Variants in DGKB observed in about 807,000 individuals in gnomAD.
The protein encoded by DGKB is diacylglycerol kinase beta.
Under a neutral mutation model 114.3 loss-of-function variants are expected in DGKB, and 67 were observed. That is an observed-to-expected ratio of 0.59 (90% CI 0.48 to 0.72). The LOEUF is 0.72. Among genes scored for constraint, DGKB ranks in the 30% least tolerant of loss-of-function variants. The probability of loss-of-function intolerance (pLI) is 0.00; values close to 1 mark genes in which losing one functional copy is unlikely to be tolerated. For missense variants in DGKB, 907 were observed against 975.2 expected, an observed-to-expected ratio of 0.93 and a Z score of 0.93; for synonymous variants, 398 against 323.1, an observed-to-expected ratio of 1.23 and a Z score of -2.49.
chr7:14,197,751 A>G (rs924733907), intron 23 of DGKB, among the ~76,000 whole-genome samples: 1 of 152,136 alleles, frequency 6.6e-6, no homozygotes. Flanking sequence ...TATTATTAGA[A>G]AGGTCTGTTT....
chr7:14,970,605 C>G (rs994473945), intron 1 of DGKB, among the ~76,000 whole-genome samples: 10 of 152,210 alleles, frequency 6.6e-5, no homozygotes, highest in African/African-American at 2.2e-4. Context: ...AGCATATCCT[C>G]AGAATGCTCC....
At chr7:14,200,337 T>C (rs1785657135) in intron 23 of DGKB, among the ~76,000 whole-genome samples, 1 of 151,986 alleles carries the variant, frequency 6.6e-6, no homozygotes, top group Non-Finnish European at 1.5e-5. Flanking sequence ...ATGATACCTA[T>C]CACTGTGCAC....
At chr7:14,312,787 G>A (rs1805629802) in intron 23 of DGKB, among the ~76,000 whole-genome samples, 1 of 152,156 alleles carries the variant, frequency 6.6e-6, no homozygotes, top group South Asian at 2.1e-4. Flanking sequence ...CAGTTTGATG[G>A]AAAACAACTG....
intron 17 of DGKB, among the ~76,000 whole-genome samples, chr7:14,586,397 GT>G (rs1563596410): frequency 3.3e-5 from 5 of 152,060 alleles, no homozygotes; most frequent in Non-Finnish European, 7.4e-5. Flanking sequence ...CTGAAAAATA[GT>G]TTGATGCAAG....
intron 21 of DGKB, among the ~76,000 whole-genome samples, chr7:14,477,045 C>T (rs76264520): frequency 0.024 from 3,639 of 151,990 alleles, 130 homozygotes; most frequent in African/African-American, 0.084. Flanking sequence ...CCACCGTGCC[C>T]GGCCTACTAA....
intron 2 of DGKB, among the ~76,000 whole-genome samples, chr7:14,775,611 A>G (rs186472177): frequency 6.6e-6 from 1 of 152,050 alleles, no homozygotes; most frequent in Non-Finnish European, 1.5e-5. Flanking sequence ...AGTTCTCATG[A>G]GACCTGGTGG....
At chr7:14,912,222 A>G (rs542711776) in intron 1 of DGKB, among the ~76,000 whole-genome samples, 1 of 152,314 alleles carries the variant, frequency 6.6e-6, no homozygotes, top group African/African-American at 2.4e-5. Flanking sequence ...CACAAGAAAC[A>G]TCCTCATATG....
chr7:14,842,110 C>A (rs1052943488), intron 1 of DGKB, among the ~76,000 whole-genome samples: 3 of 152,174 alleles, frequency 2.0e-5, no homozygotes, highest in Non-Finnish European at 2.9e-5. Context: ...ACATTTTTAT[C>A]AGAGACTATA....
chr7:14,521,906 AT>A (rs778278816), intron 20 of DGKB, among the ~76,000 whole-genome samples: 1 of 151,774 alleles, frequency 6.6e-6, no homozygotes, highest in South Asian at 2.1e-4. Flanking sequence ...TAAGATGTAT[AT>A]TTTTTTTGGC....
At chr7:14,333,422 C>T (rs964792489) in intron 23 of DGKB, among the ~76,000 whole-genome samples, 5 of 147,932 alleles carry the variant, frequency 3.4e-5, no homozygotes, top group Non-Finnish European at 5.9e-5. Flanking sequence ...GATCCCACCA[C>T]TGCAATCCAG....
intron 23 of DGKB, among the ~76,000 whole-genome samples, chr7:14,315,709 C>T (rs1806345412): frequency 6.7e-6 from 1 of 150,266 alleles, no homozygotes; most frequent in Admixed American, 6.6e-5. Flanking sequence ...CCACTGTCAA[C>T]ATTAGACAGA....
chr7:14,257,789 C>T (rs112289083), intron 23 of DGKB, among the ~76,000 whole-genome samples: 15 of 152,206 alleles, frequency 9.9e-5, no homozygotes, highest in South Asian at 4.1e-4. Context: ...TGCAATGGCA[C>T]GATTTCAGCT....
At chr7:14,549,440 T>G in intron 20 of DGKB, among the ~76,000 whole-genome samples, 1 of 152,072 alleles carries the variant, frequency 6.6e-6, no homozygotes, top group East Asian at 1.9e-4. Flanking sequence ...TTTTCTGTTT[T>G]CTTCTTTCAC....
At chr7:14,475,415 A>G (rs1782020963) in intron 21 of DGKB, among the ~76,000 whole-genome samples, 1 of 152,174 alleles carries the variant, frequency 6.6e-6, no homozygotes, top group Non-Finnish European at 1.5e-5. Context: ...GGTTTAGGGA[A>G]TTGCCTAAAT....
chr7:14,820,310 C>T (rs540467842), intron 2 of DGKB, among the ~76,000 whole-genome samples: 1 of 152,188 alleles, frequency 6.6e-6, no homozygotes, highest in East Asian at 1.9e-4. Context: ...TAGGCAATCT[C>T]GTGTTAAATA....
At chr7:14,521,009 C>T (rs544447545) in intron 20 of DGKB, among the ~76,000 whole-genome samples, 1 of 152,094 alleles carries the variant, frequency 6.6e-6, no homozygotes, top group Admixed American at 6.6e-5. Context: ...TCTTTCAGCC[C>T]TTTGAATATG....
chr7:14,268,061 T>C (rs1185601959), intron 23 of DGKB, among the ~76,000 whole-genome samples: 1 of 152,200 alleles, frequency 6.6e-6, no homozygotes, highest in African/African-American at 2.4e-5. Context: ...CCAAGTATTA[T>C]CCAGTTTCTA....
intron 21 of DGKB, among the ~76,000 whole-genome samples, chr7:14,465,950 A>G (rs1160567308): frequency 6.6e-6 from 1 of 152,136 alleles, no homozygotes; most frequent in Non-Finnish European, 1.5e-5. Context: ...TGCATTATCC[A>G]TCGGATTTGC....
chr7:14,909,570 G>C (rs1361348810), intron 1 of DGKB, among the ~76,000 whole-genome samples: 1 of 152,002 alleles, frequency 6.6e-6, no homozygotes, highest in Non-Finnish European at 1.5e-5. Flanking sequence ...TTAAAACTGA[G>C]GTTTCTTGGC....
Sources: allele counts gnomAD v4.1 joint callset (sites outside exome capture counted in the v4.1 genomes callset), GRCh38; gene constraint gnomAD v4.1.1; transcripts MANE v1.5; gene names NCBI Gene and HGNC (gene_info 2026-07-23, HGNC 2026-07-21).